The following PTPRD variants were observed in gnomAD, a reference collection of about 807,000 sequenced individuals.
The protein encoded by PTPRD is protein tyrosine phosphatase receptor type D.
A neutral mutation model predicts 214.5 loss-of-function variants in PTPRD; 34 were observed. The ratio of observed to expected loss-of-function variants is 0.16; its 90% CI spans 0.12 to 0.21. PTPRD has a LOEUF of 0.21. Among genes scored for constraint, PTPRD ranks in the 10% least tolerant of loss-of-function variants. The probability of loss-of-function intolerance (pLI) is 1.00; values close to 1 mark genes in which losing one functional copy is unlikely to be tolerated. For synonymous variants in PTPRD, 1,128 were observed against 845.7 expected (o/e 1.33, Z -5.79); for missense variants, 2,545 against 2,398.7 (o/e 1.06, Z -1.27).
At chr9:9,459,541 C>A (rs549095725) in intron 8 of PTPRD, among the ~76,000 whole-genome samples, 2 of 152,078 alleles carry the variant, frequency 1.3e-5, no homozygotes, top group East Asian at 3.9e-4. Flanking sequence ...AAATCAATTC[C>A]ATTTCTGTAC....
At chr9:8,489,156 C>G (rs1165451559) in intron 27 of PTPRD, among the ~76,000 whole-genome samples, 1 of 152,116 alleles carries the variant, frequency 6.6e-6, no homozygotes, top group Non-Finnish European at 1.5e-5. Flanking sequence ...TTGGATAAAT[C>G]TAATGGGCTG....
chr9:8,514,525 G>GTTT (rs61389121), intron 21 of PTPRD, among the ~76,000 whole-genome samples: 5 of 136,730 alleles, frequency 3.7e-5, no homozygotes, highest in East Asian at 4.2e-4. Context: ...GATAAACTTA[G>GTTT]TTTTTTTTTT....
At chr9:8,878,054 G>C (rs1377141022) in intron 11 of PTPRD, among the ~76,000 whole-genome samples, 10 of 152,204 alleles carry the variant, frequency 6.6e-5, no homozygotes, top group Non-Finnish European at 1.3e-4. Context: ...ATATAATTGA[G>C]TTTGAAGATA....
intron 3 of PTPRD, among the ~76,000 whole-genome samples, chr9:10,127,996 A>T (rs1192064604): frequency 6.6e-6 from 1 of 152,132 alleles, no homozygotes; most frequent in Non-Finnish European, 1.5e-5. Context: ...TCTGTTTGAC[A>T]TCATGTTTGG....
intron 39 of PTPRD, among the ~76,000 whole-genome samples, chr9:8,367,582 T>A (rs4742487): frequency 0.38 from 58,124 of 152,040 alleles, 13,175 homozygotes; most frequent in African/African-American, 0.61. Flanking sequence ...AGTGCAATGA[T>A]ATAATTATAA....
chr9:9,874,418 TC>T (rs1200540475), intron 5 of PTPRD, among the ~76,000 whole-genome samples: 1 of 152,012 alleles, frequency 6.6e-6, no homozygotes, highest in Non-Finnish European at 1.5e-5. Flanking sequence ...TACATTTGGG[TC>T]AGAAAGAAAG....
In PTPRD at chr9:8,740,276, A is replaced by C. The variant is rs138700107; in HGVS notation, c.-103-6330T>G. 4.6e-3 allele frequency among the ~76,000 whole-genome samples: 701 copies of C among 152,226 alleles called. 23 individuals carry two copies. The highest frequency in any genetic ancestry group is 0.034 in the Admixed American group (515 of 15,288). ...AATGTTCCTTTAATATTAAAGGAAA[A>C]ATTATGTTAAAGATGGCGTTTCATA... On this transcript the variant is annotated intron_variant, in intron 11 of 45. Coordinates refer to ENST00000381196, the MANE Select transcript of PTPRD (RefSeq NM_002839.4).
chr9:9,642,727 A>G (rs189510554), intron 7 of PTPRD, among the ~76,000 whole-genome samples: 135 of 152,310 alleles, frequency 8.9e-4, no homozygotes, highest in African/African-American at 3.2e-3. Context: ...AATAGTAAGG[A>G]TCATATTTTA....
In PTPRD at chr9:9,941,546, C is replaced by T. The variant is rs369518697; in HGVS notation, c.-471-2936G>A. Among the ~76,000 whole-genome samples, 12 of 152,312 alleles carry T rather than the reference C, an allele frequency of 7.9e-5. No individual in the cohort carries two copies. In the East Asian group the frequency reaches 1.2e-3, roughly 15 times the overall value. ...CCGTATTGGCCAGGCTGTTCTTGAA[C>T]TCCTGACATCAAGTGATCCACCGGC... On this transcript the variant is annotated intron_variant, in intron 4 of 45. Coordinates refer to ENST00000381196, the MANE Select transcript of PTPRD (RefSeq NM_002839.4).
chr9:10,483,242 T>C (rs1272101857), intron 2 of PTPRD, among the ~76,000 whole-genome samples: 2 of 151,992 alleles, frequency 1.3e-5, no homozygotes, highest in African/African-American at 4.8e-5. Flanking sequence ...TGTAGAAAAA[T>C]GAAACTGGAT....
At chr9:10,524,916 T>C (rs2134358074) in intron 2 of PTPRD, among the ~76,000 whole-genome samples, 1 of 151,488 alleles carries the variant, frequency 6.6e-6, no homozygotes, top group East Asian at 1.9e-4. Context: ...CAAACCAAAA[T>C]ATGATGCTAA....
intron 3 of PTPRD, among the ~76,000 whole-genome samples, chr9:10,061,349 C>G (rs117642199): frequency 0.013 from 1,916 of 152,114 alleles, 17 homozygotes; most frequent in Non-Finnish European, 0.018. Context: ...GCATTGAAGA[C>G]TATAACTTAG....
chr9:9,692,300 T>C (rs751811748), intron 7 of PTPRD, among the ~76,000 whole-genome samples: 1 of 151,986 alleles, frequency 6.6e-6, no homozygotes, highest in Non-Finnish European at 1.5e-5. Flanking sequence ...ATTTGATTGG[T>C]GTATAAAGCA....
At chr9:10,541,119 G>C (rs955571475) in intron 2 of PTPRD, among the ~76,000 whole-genome samples, 3 of 152,094 alleles carry the variant, frequency 2.0e-5, no homozygotes, top group African/African-American at 7.2e-5. Context: ...TCTGCTTTAT[G>C]GCATAAAACA....
chr9:9,835,741 A>T (rs2056561105), intron 5 of PTPRD, among the ~76,000 whole-genome samples: 1 of 152,114 alleles, frequency 6.6e-6, no homozygotes, highest in African/African-American at 2.4e-5. Flanking sequence ...AGTGACCAGC[A>T]CAGGACTCCA....
At chr9:9,307,152 C>T (rs1390249972) in intron 9 of PTPRD, among the ~76,000 whole-genome samples, 2 of 152,106 alleles carry the variant, frequency 1.3e-5, no homozygotes, top group Non-Finnish European at 2.9e-5. Context: ...AAGCTAAACT[C>T]GGGAAACCAG....
At chr9:9,971,290 A>C (rs1050260945) in intron 4 of PTPRD, among the ~76,000 whole-genome samples, 1 of 152,164 alleles carries the variant, frequency 6.6e-6, no homozygotes, top group Non-Finnish European at 1.5e-5. Context: ...ATACAGATGG[A>C]TTTAAATTCA....
At chr9:10,209,371 C>A (rs772064528) in intron 3 of PTPRD, among the ~76,000 whole-genome samples, 8 of 152,066 alleles carry the variant, frequency 5.3e-5, no homozygotes, top group Non-Finnish European at 1.2e-4. Context: ...GATGACCAAT[C>A]AATCTCATTT....
At chr9:9,042,693 C>T (rs1273514413) in intron 10 of PTPRD, among the ~76,000 whole-genome samples, 1 of 146,876 alleles carries the variant, frequency 6.8e-6, no homozygotes, top group African/African-American at 2.5e-5. Context: ...TATCTTATGA[C>T]CTCTGGTGGC....
Sources: gnomAD v4.1 joint callset for allele counts (sites outside exome capture counted in the v4.1 genomes callset) on GRCh38, gnomAD v4.1.1 for gene constraint, MANE v1.5 for transcripts, NCBI Gene and HGNC (gene_info 2026-07-23, HGNC 2026-07-21) for gene names.